Variants in NDUFAF2 observed in about 807,000 individuals in gnomAD.
The protein encoded by NDUFAF2 is NADH:ubiquinone oxidoreductase complex assembly factor 2, also known as NADH dehydrogenase [ubiquinone] 1 alpha subcomplex assembly factor 2.
NDUFAF2 carries 13 observed loss-of-function variants against 22.8 expected under a neutral mutation model. That is an observed-to-expected ratio of 0.57 (90% CI 0.37 to 0.91). NDUFAF2 has a LOEUF of 0.91. Ranked by LOEUF, NDUFAF2 falls within the 40% of genes least tolerant of loss-of-function variation. NDUFAF2 has a pLI of 0.01. For synonymous variants in NDUFAF2, 53 were observed against 64.2 expected (o/e 0.83, Z 0.84); for missense variants, 162 against 195.2 (o/e 0.83, Z 1.01).
chr5:60,976,581 C>G (rs1344143604), intron 1 of NDUFAF2, among the ~76,000 whole-genome samples: 3 of 152,136 alleles, frequency 2.0e-5, no homozygotes, highest in African/African-American at 7.2e-5. Context: ...GCTGGCCTGT[C>G]TCTTAAGCAG....
chr5:61,125,701 C>A (rs1451511625), intron 3 of NDUFAF2, among the ~76,000 whole-genome samples: 1 of 151,986 alleles, frequency 6.6e-6, no homozygotes, highest in African/African-American at 2.4e-5. Context: ...TAATTAAATT[C>A]ATTCCCCAAA....
At chr5:61,125,844 T>A (rs1302823680) in intron 3 of NDUFAF2, among the ~76,000 whole-genome samples, 1 of 152,098 alleles carries the variant, frequency 6.6e-6, no homozygotes, top group African/African-American at 2.4e-5. Context: ...CTTGGATAAC[T>A]TTAAAGCCTG....
chr5:61,100,902 A>G (rs984055127), intron 3 of NDUFAF2, among the ~76,000 whole-genome samples: 2 of 152,070 alleles, frequency 1.3e-5, no homozygotes, highest in Non-Finnish European at 2.9e-5. Flanking sequence ...AAGCCAGTCT[A>G]CCTTACTGAT....
chr5:61,032,379 T>C (rs530825112), intron 1 of NDUFAF2, among the ~76,000 whole-genome samples: 25 of 152,226 alleles, frequency 1.6e-4, no homozygotes, highest in Non-Finnish European at 3.2e-4. Flanking sequence ...TTAAGTCTAA[T>C]CCATCTTGAG....
chr5:60,981,214 A>G (rs1181245621), intron 1 of NDUFAF2, among the ~76,000 whole-genome samples: 1 of 152,172 alleles, frequency 6.6e-6, no homozygotes, highest in Non-Finnish European at 1.5e-5. Context: ...ATAACATACA[A>G]TGGAGCTCAA....
chr5:61,040,965 C>T (rs1751873767), intron 1 of NDUFAF2, among the ~76,000 whole-genome samples: 2 of 151,962 alleles, frequency 1.3e-5, no homozygotes, highest in South Asian at 4.2e-4. Context: ...CCTGAATTAT[C>T]CAGAGAATAT....
At chr5:61,025,743 A>G (rs1428627108) in intron 1 of NDUFAF2, among the ~76,000 whole-genome samples, 1 of 152,040 alleles carries the variant, frequency 6.6e-6, no homozygotes, top group Non-Finnish European at 1.5e-5. Context: ...GACTTCATAT[A>G]TAGAAAACAC....
At chr5:61,005,938 T>C (rs1433445142) in intron 1 of NDUFAF2, among the ~76,000 whole-genome samples, 4 of 152,202 alleles carry the variant, frequency 2.6e-5, no homozygotes, top group African/African-American at 9.7e-5. Context: ...AGAAGCTCTT[T>C]AGTTTAACTA....
chr5:61,127,948 G>C (rs1753058036), intron 3 of NDUFAF2, among the ~76,000 whole-genome samples: 1 of 152,170 alleles, frequency 6.6e-6, no homozygotes, highest in Non-Finnish European at 1.5e-5. Flanking sequence ...CATCAGCAAA[G>C]TCTCAGGATA....
chr5:60,963,701 A>G (rs116316751), intron 1 of NDUFAF2, among the ~76,000 whole-genome samples: 1,740 of 152,350 alleles, frequency 0.011, 31 homozygotes, highest in African/African-American at 0.039. Flanking sequence ...CTGAGCTTAC[A>G]TTGAAGCTGA....
At chr5:61,119,134 C>T (rs563295418) in intron 3 of NDUFAF2, among the ~76,000 whole-genome samples, 2 of 152,218 alleles carry the variant, frequency 1.3e-5, no homozygotes, top group African/African-American at 4.8e-5. Context: ...TTTGAAAATA[C>T]CAAAAGCACT....
chr5:61,069,566 A>T (rs886872489), intron 1 of NDUFAF2, among the ~76,000 whole-genome samples: 1 of 152,186 alleles, frequency 6.6e-6, no homozygotes, highest in Non-Finnish European at 1.5e-5. Flanking sequence ...AAAGAAAAAT[A>T]TTAGGTTATA....
At chr5:61,033,642 C>T (rs529161715) in intron 1 of NDUFAF2, among the ~76,000 whole-genome samples, 40 of 152,026 alleles carry the variant, frequency 2.6e-4, no homozygotes, top group Middle Eastern at 3.4e-3. Context: ...GTTTTTTCAG[C>T]AAAAATTCAT....
At chr5:61,129,448 A>G (rs1753080050) in intron 3 of NDUFAF2, among the ~76,000 whole-genome samples, 1 of 152,168 alleles carries the variant, frequency 6.6e-6, no homozygotes, top group Non-Finnish European at 1.5e-5. Context: ...TACACCATGG[A>G]ATACTATGCA....
At chr5:61,056,702 A>G (rs921461182) in intron 1 of NDUFAF2, among the ~76,000 whole-genome samples, 1 of 151,490 alleles carries the variant, frequency 6.6e-6, no homozygotes, top group African/African-American at 2.4e-5. Context: ...AGCCTGGCCA[A>G]CATGGTGAAA....
intron 3 of NDUFAF2, among the ~76,000 whole-genome samples, chr5:61,141,215 G>A (rs1374479476): frequency 1.5e-5 from 2 of 135,206 alleles, no homozygotes; most frequent in South Asian, 2.6e-4. Flanking sequence ...CAAAAACAGC[G>A]AAACTCCGTC....
At chr5:61,116,789 T>C (rs887309563) in intron 3 of NDUFAF2, 1 of 152,076 alleles carries the variant, frequency 6.6e-6, no homozygotes, top group African/African-American at 2.4e-5. Context: ...AACTGCAGCA[T>C]TGGCAAAGGG....
At chr5:61,067,519 G>A (rs578055086) in intron 1 of NDUFAF2, among the ~76,000 whole-genome samples, 109 of 152,020 alleles carry the variant, frequency 7.2e-4, no homozygotes, top group African/African-American at 2.5e-3. Context: ...ATAGTATTCC[G>A]TGGTGTATAT....
intron 1 of NDUFAF2, among the ~76,000 whole-genome samples, chr5:61,069,125 GCT>G (rs1491299062): frequency 1.4e-5 from 2 of 139,238 alleles, no homozygotes; most frequent in African/African-American, 5.3e-5. Flanking sequence ...AAATGTTAGT[GCT>G]TTTTTTTTTT....
Sources: allele counts gnomAD v4.1 joint callset (sites outside exome capture counted in the v4.1 genomes callset), GRCh38; gene constraint gnomAD v4.1.1; transcripts MANE v1.5; gene names NCBI Gene and HGNC (gene_info 2026-07-23, HGNC 2026-07-21).